Variants in SLC25A48 observed in about 807,000 individuals in gnomAD.
The protein encoded by SLC25A48 is solute carrier family 25 member 48.
SLC25A48 carries 29 observed loss-of-function variants against 32.2 expected under a neutral mutation model. The ratio of observed to expected loss-of-function variants is 0.90; its 90% CI spans 0.67 to 1.23. The LOEUF (loss-of-function observed/expected upper bound fraction) is 1.23, where lower values mean the gene tolerates loss of function less well. Ranked by LOEUF, SLC25A48 falls within the 50% of genes most tolerant of loss-of-function variation. The pLI is 0.00. For synonymous variants in SLC25A48, 164 were observed against 172.3 expected (o/e 0.95, Z 0.38); for missense variants, 399 against 422.7 (o/e 0.94, Z 0.49).
At chr5:135,693,463 A>G (rs773865662) in intron 3 of SLC25A48, among the ~76,000 whole-genome samples, 1 of 152,228 alleles carries the variant, frequency 6.6e-6, no homozygotes, top group Non-Finnish European at 1.5e-5. Flanking sequence ...GCTCAGCTAC[A>G]AAGAAGAGGA....
At chr5:135,822,651 T>G (rs2126661794) in intron 4 of SLC25A48, among the ~76,000 whole-genome samples, 1 of 152,362 alleles carries the variant, frequency 6.6e-6, no homozygotes, top group East Asian at 1.9e-4. Flanking sequence ...TTAACTTGAT[T>G]GCATCTGCAA....
chr5:135,724,951 G>T (rs947957695), intron 3 of SLC25A48, among the ~76,000 whole-genome samples: 1 of 152,258 alleles, frequency 6.6e-6, no homozygotes, highest in Admixed American at 6.5e-5. Flanking sequence ...GCCCAGCCCA[G>T]CCTTGGCTAC....
intron 3 of SLC25A48, among the ~76,000 whole-genome samples, chr5:135,698,173 C>T (rs1456856004): frequency 1.3e-5 from 2 of 152,252 alleles, no homozygotes; most frequent in Non-Finnish European, 2.9e-5. Context: ...GGTCACCTGA[C>T]ACCCTCAGTG....
intron 3 of SLC25A48, among the ~76,000 whole-genome samples, chr5:135,659,878 C>G (rs1753350530): frequency 6.6e-6 from 1 of 152,220 alleles, no homozygotes; most frequent in Non-Finnish European, 1.5e-5. Context: ...ATCACAAGAA[C>G]AGCAAGAGGG....
chr5:135,650,559 T>TAAAA, intron 3 of SLC25A48: 1 of 240,644 alleles, frequency 4.2e-6, no homozygotes. Context: ...GGAGTGGAAC[T>TAAAA]AAAAAAAAAA....
rs1232828180 is a variant in SLC25A48, at chr5:135,652,396, G to T, written c.-521+17440G>T. ...GCTTCTGCCAGCACCACCATCCATG[G>T]ATTCACAAAATGCCTATCCACCATT... is the stretch of plus-strand genomic sequence containing the variant. On this transcript the variant is annotated intron_variant, in intron 3 of 10. Coordinates refer to the SLC25A48 transcript ENST00000646290. 12 of 456,164 alleles carry T rather than the reference G, an allele frequency of 2.6e-5. No homozygotes were observed. In the East Asian group the frequency reaches 8.3e-4, roughly 32 times the overall value. The allele number at this position is 456,164 out of a possible 1,614,324, so 28.3% of individuals were successfully genotyped here.
chr5:135,717,341 T>G (rs991091227), intron 3 of SLC25A48, among the ~76,000 whole-genome samples: 4 of 152,196 alleles, frequency 2.6e-5, no homozygotes, highest in African/African-American at 9.6e-5. Context: ...GCCACATCTG[T>G]GCCCTGCTTG....
intron 4 of SLC25A48, among the ~76,000 whole-genome samples, chr5:135,817,295 G>A (rs1230304910): frequency 6.6e-6 from 1 of 152,216 alleles, no homozygotes; most frequent in African/African-American, 2.4e-5. Flanking sequence ...CTGGCTTAAA[G>A]TATCAATAGT....
At chr5:135,684,111 G>A (rs1044946598) in intron 3 of SLC25A48, among the ~76,000 whole-genome samples, 17 of 152,120 alleles carry the variant, frequency 1.1e-4, no homozygotes, top group African/African-American at 3.6e-4. Context: ...GGTAACATAT[G>A]TTCATGATAT....
intron 3 of SLC25A48, among the ~76,000 whole-genome samples, chr5:135,660,226 TCCCCCATGA>T (rs1458367977): frequency 1.3e-5 from 2 of 152,044 alleles, no homozygotes; most frequent in Non-Finnish European, 2.9e-5. Context: ...TTACCTAGCT[TCCCCCATGA>T]TAACATCTTG....
intron 4 of SLC25A48, chr5:135,822,236 C>G (rs987868178): frequency 6.6e-6 from 1 of 152,272 alleles, no homozygotes; most frequent in African/African-American, 2.4e-5. Flanking sequence ...TGGGAGAGCC[C>G]TCAAGCCTGT....
At chr5:135,626,813 C>T (rs1752450343) in intron 1 of SLC25A48, among the ~76,000 whole-genome samples, 1 of 152,118 alleles carries the variant, frequency 6.6e-6, no homozygotes, top group Non-Finnish European at 1.5e-5. Flanking sequence ...TTCCCCTGGA[C>T]ATATTGCCAA....
chr5:135,703,559 A>G (rs1290877343), intron 3 of SLC25A48, among the ~76,000 whole-genome samples: 1 of 151,980 alleles, frequency 6.6e-6, no homozygotes, highest in Non-Finnish European at 1.5e-5. Context: ...TTTCCCCACA[A>G]CCCGTCTCTG....
At chr5:135,758,927 C>T (rs1755993506) in intron 3 of SLC25A48, among the ~76,000 whole-genome samples, 1 of 150,640 alleles carries the variant, frequency 6.6e-6, no homozygotes, top group Non-Finnish European at 1.5e-5. Context: ...TAAGTGTTAA[C>T]ACATTATGAT....
chr5:135,787,222 C>G lies in SLC25A48; in HGVS notation c.-520-25301C>G, dbSNP rs555387530. Among the ~76,000 whole-genome samples the G allele has an allele frequency of 5.9e-5, 9 of 152,144 alleles. No homozygotes were observed. The East Asian group carries it at 1.7e-3, about 29-fold the overall frequency. ...TGGGTGTACAACAAATGTGTTCACCCTGTGATACTATTCGTAATATTTTAG... is the reference window on the plus strand; with the variant it reads ...TGGGTGTACAACAAATGTGTTCACCGTGTGATACTATTCGTAATATTTTAG... On this transcript the variant is annotated intron_variant, in intron 3 of 10. Coordinates refer to the SLC25A48 transcript ENST00000646290.
chr5:135,661,701 A>T (rs1429694826), intron 3 of SLC25A48, among the ~76,000 whole-genome samples: 1 of 152,186 alleles, frequency 6.6e-6, no homozygotes, highest in Non-Finnish European at 1.5e-5. Flanking sequence ...TTATACATTC[A>T]TATATAAACA....
chr5:135,831,822 A>G (rs1353129443), upstream of SLC25A48, among the ~76,000 whole-genome samples: 1 of 152,226 alleles, frequency 6.6e-6, no homozygotes, highest in African/African-American at 2.4e-5. Context: ...TCAAAGTTTC[A>G]GAAGCTCACT....
chr5:135,700,029 T>G (rs761934168), intron 3 of SLC25A48, among the ~76,000 whole-genome samples: 2 of 152,112 alleles, frequency 1.3e-5, no homozygotes, highest in Non-Finnish European at 2.9e-5. Context: ...CTGCCCCTCA[T>G]TTTGTTATCT....
At chr5:135,819,046 A>T (rs1272743680) in intron 4 of SLC25A48, among the ~76,000 whole-genome samples, 2 of 152,134 alleles carry the variant, frequency 1.3e-5, no homozygotes, top group Non-Finnish European at 2.9e-5. Context: ...CACAGAGAAA[A>T]GGTTAAGAAA....
Sources: allele counts gnomAD v4.1 joint callset (sites outside exome capture counted in the v4.1 genomes callset), GRCh38; gene constraint gnomAD v4.1.1; transcripts MANE v1.5; gene names NCBI Gene and HGNC (gene_info 2026-07-23, HGNC 2026-07-21).